Variants in AGBL1 observed in about 807,000 individuals in gnomAD.
The protein encoded by AGBL1 is AGBL carboxypeptidase 1, also known as cytosolic carboxypeptidase 4.
AGBL1 carries 130 observed loss-of-function variants against 118.9 expected under a neutral mutation model. The ratio of observed to expected loss-of-function variants is 1.09; its 90% CI spans 0.95 to 1.26. The LOEUF is 1.26. Ranked by LOEUF, AGBL1 falls within the 50% of genes most tolerant of loss-of-function variation. The pLI, the probability that AGBL1 is intolerant of heterozygous loss-of-function variation, is 0.00. For synonymous variants in AGBL1, 555 were observed against 478.9 expected (o/e 1.16, Z -2.08); for missense variants, 1,584 against 1,298.1 (o/e 1.22, Z -3.38).
chr15:86,899,555 GA>G (rs1202294975), intron 22 of AGBL1, among the ~76,000 whole-genome samples: 1 of 152,034 alleles, frequency 6.6e-6, no homozygotes, highest in African/African-American at 2.4e-5. Context: ...AAAGTAGCTT[GA>G]AATTCTTTAT....
chr15:86,951,088 C>T (rs2080876657), intron 23 of AGBL1, among the ~76,000 whole-genome samples: 1 of 152,072 alleles, frequency 6.6e-6, no homozygotes, highest in South Asian at 2.1e-4. Flanking sequence ...TAGAGAGACA[C>T]CCTCTTAAGT....
chr15:86,160,784 C>T (rs1318393614), intron 5 of AGBL1, among the ~76,000 whole-genome samples: 3 of 152,176 alleles, frequency 2.0e-5, no homozygotes, highest in Non-Finnish European at 4.4e-5. Context: ...ACGGGTCTCA[C>T]TCAGTCTTCT....
At chr15:86,289,422 T>C (rs1432152988) in intron 16 of AGBL1, among the ~76,000 whole-genome samples, 1 of 152,188 alleles carries the variant, frequency 6.6e-6, no homozygotes, top group Non-Finnish European at 1.5e-5. Context: ...ACTTCTCCAT[T>C]AACAGCTAAC....
At chr15:86,728,491 A>T (rs1396187615) in intron 22 of AGBL1, among the ~76,000 whole-genome samples, 4 of 152,200 alleles carry the variant, frequency 2.6e-5, no homozygotes, top group Admixed American at 6.5e-5. Context: ...AGGTATCAGC[A>T]GAGCCTACCT....
intron 23 of AGBL1, among the ~76,000 whole-genome samples, chr15:86,939,362 C>T (rs547007772): frequency 1.3e-3 from 203 of 152,332 alleles, no homozygotes; most frequent in African/African-American, 4.5e-3. Context: ...TGCCCTTGAA[C>T]ATCAGACTCC....
chr15:86,647,994 G>A (rs1400966816), intron 21 of AGBL1, among the ~76,000 whole-genome samples: 1 of 152,184 alleles, frequency 6.6e-6, no homozygotes, highest in Admixed American at 6.5e-5. Context: ...AATGTGGCCA[G>A]TGTGACTGAT....
chr15:86,416,820 A>C (rs534065697), intron 18 of AGBL1, among the ~76,000 whole-genome samples: 8 of 152,318 alleles, frequency 5.3e-5, no homozygotes, highest in African/African-American at 1.9e-4. Context: ...TTTTCATTGT[A>C]TGGAAAAAGA....
At chr15:86,794,507 G>A (rs1489150937) in intron 22 of AGBL1, among the ~76,000 whole-genome samples, 1 of 152,150 alleles carries the variant, frequency 6.6e-6, no homozygotes, top group Non-Finnish European at 1.5e-5. Flanking sequence ...GAGTAATGAT[G>A]TTCTAGAATT....
At position 86,964,202 on chromosome 15, in the gene AGBL1, G is replaced by A. The variant is rs532411880; in HGVS notation, c.3222-23785G>A. 1.3e-4 allele frequency among the ~76,000 whole-genome samples: 20 copies of A among 152,048 alleles called. 1 individual carries two copies. The South Asian group carries it at 3.7e-3, about 28-fold the overall frequency. On this transcript the variant is annotated intron_variant, in intron 23 of 24. Transcript: ENST00000441037. ...CTGGTTCTGCCTGACTGTAAAACTA[G>A]GACTCTTCAATCACTCTTTTGCAGG...
intron 18 of AGBL1, among the ~76,000 whole-genome samples, chr15:86,481,296 G>T (rs2082648955): frequency 6.6e-6 from 1 of 151,794 alleles, no homozygotes; most frequent in Admixed American, 6.6e-5. Flanking sequence ...ACCAGTTTAT[G>T]AAAAAGGAAG....
intron 18 of AGBL1, among the ~76,000 whole-genome samples, chr15:86,471,916 T>C (rs2082484476): frequency 6.6e-6 from 1 of 152,164 alleles, no homozygotes; most frequent in Non-Finnish European, 1.5e-5. Flanking sequence ...GATCTCAAAA[T>C]GAGATTACCC....
chr15:86,608,330 G>A (rs2084609913), intron 21 of AGBL1, among the ~76,000 whole-genome samples: 1 of 152,180 alleles, frequency 6.6e-6, no homozygotes, highest in African/African-American at 2.4e-5. Context: ...AACCAAAGCA[G>A]AGAAGAGGGA....
At chr15:86,298,246 A>ATTATAT (rs1555462936) in intron 17 of AGBL1, among the ~76,000 whole-genome samples, 40 of 69,796 alleles carry the variant, frequency 5.7e-4, no homozygotes, top group African/African-American at 1.6e-3. Flanking sequence ...GTCTGTGTAT[A>ATTATAT]ATATATATAT....
chr15:86,766,807 C>T (rs1282675200), intron 22 of AGBL1, among the ~76,000 whole-genome samples: 1 of 151,556 alleles, frequency 6.6e-6, no homozygotes. Flanking sequence ...AACAGGGAAA[C>T]AAGAAATAAT....
At chr15:86,431,849 T>A (rs1385917762) in intron 18 of AGBL1, among the ~76,000 whole-genome samples, 1 of 152,202 alleles carries the variant, frequency 6.6e-6, no homozygotes, top group African/African-American at 2.4e-5. Flanking sequence ...TCCCGGTTGC[T>A]GTGACATGGG....
chr15:86,931,400 G>C (rs2080601256), intron 23 of AGBL1, among the ~76,000 whole-genome samples: 1 of 152,130 alleles, frequency 6.6e-6, no homozygotes, highest in Non-Finnish European at 1.5e-5. Flanking sequence ...GCGCCTTGCA[G>C]ATAAACACCC....
At chr15:86,804,986 A>AG (rs1446402143) in intron 22 of AGBL1, among the ~76,000 whole-genome samples, 1 of 152,094 alleles carries the variant, frequency 6.6e-6, no homozygotes, top group East Asian at 1.9e-4. Context: ...GCCATCGGGG[A>AG]GTGAGCAGGG....
chr15:86,910,519 G>T lies in AGBL1; in HGVS notation c.*3225G>T, dbSNP rs1215512298. 6.6e-6 allele frequency: 1 copy of T among 152,198 alleles called. No homozygotes were observed. The highest frequency in any genetic ancestry group is 1.5e-5 in the Non-Finnish European group (1 of 68,044). The allele number at this position is 152,198 out of a possible 1,614,324, so 9.4% of individuals were successfully genotyped here. A position where few individuals can be genotyped will look rare whatever the true frequency, so the allele number is the denominator to read the frequency against. On this transcript the variant is annotated 3_prime_UTR_variant, in exon 23 of 23. Coordinates refer to ENST00000614907, the MANE Select transcript of AGBL1 (RefSeq NM_001386094.1). ...TCAGCGCCATTTTTCCCTTGTTTAT[G>T]GCTGAGGGTTTGGTGCTCCTGCTAT... is the stretch of plus-strand genomic sequence containing the variant.
intron 22 of AGBL1, among the ~76,000 whole-genome samples, chr15:86,847,758 T>A (rs1034278277): frequency 1.3e-5 from 2 of 152,074 alleles, no homozygotes; most frequent in African/African-American, 4.8e-5. Flanking sequence ...AGACTTGGAG[T>A]CAGACAGTGA....
Sources: gnomAD v4.1 joint callset for allele counts (sites outside exome capture counted in the v4.1 genomes callset) on GRCh38, gnomAD v4.1.1 for gene constraint, MANE v1.5 for transcripts, NCBI Gene and HGNC (gene_info 2026-07-23, HGNC 2026-07-21) for gene names.